The following SEC22A variants were observed in gnomAD, a reference collection of about 807,000 sequenced individuals.
SEC22A encodes the protein SEC22 homolog A, vesicle trafficking protein, also known as vesicle-trafficking protein SEC22a.
A neutral mutation model predicts 35.3 loss-of-function variants in SEC22A; 22 were observed. The observed-to-expected ratio is 0.62, with a 90% CI of 0.45 to 0.89. The LOEUF (loss-of-function observed/expected upper bound fraction) is 0.89. SEC22A is among the 40% of genes least tolerant of loss of function. The pLI is 0.00. For missense variants in SEC22A, 354 were observed against 362.5 expected (o/e 0.98, Z 0.19); for synonymous variants, 119 against 129.5 (o/e 0.92, Z 0.55).
chr3:123,239,442 C>A (rs974310091), intron 4 of SEC22A, among the ~76,000 whole-genome samples: 3 of 151,976 alleles, frequency 2.0e-5, no homozygotes, highest in African/African-American at 4.8e-5. Flanking sequence ...GCTATCCCTC[C>A]CCCCTCCACC....
chr3:123,250,491 G>T (rs986232674), intron 5 of SEC22A, among the ~76,000 whole-genome samples: 4 of 152,136 alleles, frequency 2.6e-5, no homozygotes, highest in Admixed American at 2.6e-4. Context: ...ATATTCTTTA[G>T]TTAGGTGTTG....
intron 1 of SEC22A, among the ~76,000 whole-genome samples, chr3:123,203,053 C>CTTTTTTTTTTTTTTTTTTTTTTTTT (rs779433710): frequency 6.8e-5 from 3 of 43,822 alleles, no homozygotes; most frequent in African/African-American, 1.1e-4. Flanking sequence ...TGTTTAGTGC[C>CTTTTTTTTTTTTTTTTTTTTTTTTT]TTTTTTTTTT....
At chr3:123,202,992 C>G (rs1056896726) in intron 1 of SEC22A, among the ~76,000 whole-genome samples, 5 of 148,134 alleles carry the variant, frequency 3.4e-5, no homozygotes, top group Admixed American at 3.4e-4. Context: ...GTGACCATAT[C>G]CTAAAGTAAT....
chr3:123,202,944 A>G (rs1244378721), intron 1 of SEC22A, among the ~76,000 whole-genome samples: 16 of 150,556 alleles, frequency 1.1e-4, no homozygotes, highest in Admixed American at 1.1e-3. Flanking sequence ...ACAATTTCTG[A>G]TATATTAAGG....
Position 123,209,221 on chromosome 3 carries a change from T to C in SEC22A, c.4T>C (p.Ser2Pro). 1 of 1,614,060 alleles carries C rather than the reference T, an allele frequency of 6.2e-7. No homozygotes were observed. Among genetic ancestry groups the C allele is most frequent in the Non-Finnish European group, 8.5e-7 (1 of 1,179,940 alleles). The change falls in exon 2 of 7, where the codon TCT becomes CCT. Residue 2 changes from serine to proline, a missense_variant. Coordinates refer to ENST00000492595, the MANE Select transcript of SEC22A (RefSeq NM_012430.5). ...TAGGTCTTCTCTGTTGGTTGAAATG[T>C]CTATGATTTTATCTGCCTCAGTCAT... is the stretch of plus-strand genomic sequence containing the variant. M[S>P]MILSASVIRV...
intron 4 of SEC22A, among the ~76,000 whole-genome samples, chr3:123,238,776 A>G (rs1342503601): frequency 6.6e-6 from 1 of 152,044 alleles, no homozygotes; most frequent in African/African-American, 2.4e-5. Context: ...TCTGGCATGA[A>G]TGTTTTTATC....
intron 4 of SEC22A, among the ~76,000 whole-genome samples, chr3:123,230,453 G>T (rs1937300687): frequency 2.0e-5 from 3 of 151,842 alleles, no homozygotes; most frequent in Admixed American, 6.6e-5. Context: ...ATTATAGAAG[G>T]TCATAATTTA....
At chr3:123,209,420 A>G in intron 2 of SEC22A, 21 bp downstream of exon 2, 2 of 1,579,080 alleles carry the variant, frequency 1.3e-6, no homozygotes, top group Admixed American at 1.7e-5. Flanking sequence ...AGTTTGCTTC[A>G]TTTGACTCAT....
intron 6 of SEC22A, among the ~76,000 whole-genome samples, chr3:123,269,068 T>G (rs1377147350): frequency 6.6e-6 from 1 of 152,220 alleles, no homozygotes; most frequent in Non-Finnish European, 1.5e-5. Context: ...TAAGATGGTG[T>G]CTACCAGATC....
At position 123,203,205 on chromosome 3, in the gene SEC22A, G is replaced by A. The variant is rs138113872; in HGVS notation, c.-20+1219G>A. On this transcript the variant is annotated intron_variant, in intron 1 of 6. Transcript: ENST00000492595. Reference sequence around the variant, plus strand: ...TGTCTCACAGAGTTGTTAGAATTGGGCCTGAGTTTAAATCCCTACTTTGTC... The same window carrying A: ...TGTCTCACAGAGTTGTTAGAATTGGACCTGAGTTTAAATCCCTACTTTGTC... Among the ~76,000 whole-genome samples, 430 of 151,270 alleles carry A rather than the reference G, an allele frequency of 2.8e-3. 3 individuals carry two copies. Among genetic ancestry groups the A allele is most frequent in the African/African-American group, 0.01 (417 of 41,168 alleles).
intron 2 of SEC22A, among the ~76,000 whole-genome samples, chr3:123,219,142 T>C (rs73197530): frequency 2.6e-5 from 4 of 152,180 alleles, no homozygotes; most frequent in Non-Finnish European, 4.4e-5. Flanking sequence ...GAAGACAAAA[T>C]CATGAAGTTT....
intron 2 of SEC22A, 72 bp downstream of exon 2, chr3:123,209,471 C>A: frequency 7.9e-7 from 1 of 1,271,064 alleles, no homozygotes; most frequent in Non-Finnish European, 1.1e-6. Flanking sequence ...TAAGTGGTTG[C>A]AATAGAAAGG....
At chr3:123,205,661 A>G (rs1311212739) in intron 1 of SEC22A, among the ~76,000 whole-genome samples, 1 of 151,794 alleles carries the variant, frequency 6.6e-6, no homozygotes, top group Admixed American at 6.6e-5. Context: ...TGGGCAACAG[A>G]GTGAGACCCT....
At chr3:123,268,410 T>G (rs1938072666) in intron 6 of SEC22A, among the ~76,000 whole-genome samples, 1 of 152,190 alleles carries the variant, frequency 6.6e-6, no homozygotes, top group Non-Finnish European at 1.5e-5. Flanking sequence ...CACTGTGGCA[T>G]TCTTGGATCT....
At chr3:123,240,889 G>T (rs1937513969) in intron 4 of SEC22A, among the ~76,000 whole-genome samples, 1 of 151,650 alleles carries the variant, frequency 6.6e-6, no homozygotes, top group East Asian at 1.9e-4. Context: ...TTTGACACTT[G>T]TATATTTTTC....
intron 3 of SEC22A, among the ~76,000 whole-genome samples, 175 bp downstream of exon 3, chr3:123,223,897 T>G (rs563505936): frequency 3.3e-5 from 5 of 152,264 alleles, no homozygotes; most frequent in African/African-American, 1.2e-4. Context: ...AGAAAAAAAT[T>G]GTGTTTGAGC....
intron 4 of SEC22A, among the ~76,000 whole-genome samples, chr3:123,235,103 G>A (rs1489937111): frequency 6.6e-6 from 1 of 151,906 alleles, no homozygotes; most frequent in African/African-American, 2.4e-5. Flanking sequence ...ATGTTGCCCA[G>A]GCTGGTCTCG....
At chr3:123,215,496 C>T (rs370011479) in intron 2 of SEC22A, among the ~76,000 whole-genome samples, 21 of 152,260 alleles carry the variant, frequency 1.4e-4, no homozygotes, top group East Asian at 3.9e-4. Context: ...CATGTCCTTA[C>T]CCCTTTGAGC....
At chr3:123,269,752 C>A (rs1272773201) in intron 6 of SEC22A, among the ~76,000 whole-genome samples, 4 of 150,352 alleles carry the variant, frequency 2.7e-5, no homozygotes, top group Admixed American at 1.3e-4. Flanking sequence ...CCTGCCTCAG[C>A]TTCCCGAGTA....
Sources: allele counts gnomAD v4.1 joint callset (sites outside exome capture counted in the v4.1 genomes callset), GRCh38; gene constraint gnomAD v4.1.1; transcripts MANE v1.5; gene names NCBI Gene and HGNC (gene_info 2026-07-23, HGNC 2026-07-21).